The following CYP2B6 variants were observed in gnomAD, a reference collection of about 807,000 sequenced individuals.
CYP2B6 encodes the protein cytochrome P450 family 2 subfamily B member 6, also known as cytochrome P450 2B6.
Under a neutral mutation model 43.4 loss-of-function variants are expected in CYP2B6, and 35 were observed. The ratio of observed to expected loss-of-function variants is 0.81; its 90% CI spans 0.62 to 1.07. The LOEUF (loss-of-function observed/expected upper bound fraction) is 1.07, where lower values mean the gene tolerates loss of function less well. Ranked by LOEUF, CYP2B6 falls within the 50% of genes least tolerant of loss-of-function variation. The pLI is 0.00. For missense variants in CYP2B6, 624 were observed against 632.8 expected (o/e 0.99, Z 0.15); for synonymous variants, 239 against 239.2 (o/e 1.00, Z 0.01).
At chr19:41,016,021 C>CACACACACAG (rs1437412703) in intron 8 of CYP2B6, among the ~76,000 whole-genome samples, 1 of 151,848 alleles carries the variant, frequency 6.6e-6, no homozygotes, top group Admixed American at 6.6e-5. Context: ...CACACACACA[C>CACACACACAG]AGAACCAGAA....
intron 1 of CYP2B6, among the ~76,000 whole-genome samples, chr19:40,999,304 G>T (rs889130965): frequency 4.6e-5 from 7 of 151,886 alleles, no homozygotes; most frequent in Non-Finnish European, 8.8e-5. Flanking sequence ...TGAGTTCATT[G>T]TAGATTCTGG....
At chr19:41,011,945 TA>T (rs34009599) in intron 6 of CYP2B6, among the ~76,000 whole-genome samples, 2 of 152,082 alleles carry the variant, frequency 1.3e-5, no homozygotes, top group South Asian at 2.1e-4. Flanking sequence ...GGTCTCTTTT[TA>T]AAAAAATTTT....
At chr19:41,006,325 A>ATTTTT (rs35039672) in intron 3 of CYP2B6, among the ~76,000 whole-genome samples, 18 of 118,506 alleles carry the variant, frequency 1.5e-4, no homozygotes, top group South Asian at 2.9e-4. Flanking sequence ...GTCTAGCTAC[A>ATTTTT]TTTTTTTTTT....
chr19:41,001,688 G>A (rs762332462), intron 1 of CYP2B6, among the ~76,000 whole-genome samples: 2 of 151,830 alleles, frequency 1.3e-5, no homozygotes, highest in African/African-American at 2.4e-5. Context: ...ATTTATTCAC[G>A]AATCCAATAA....
chr19:41,000,768 G>A (rs1031137286), intron 1 of CYP2B6, among the ~76,000 whole-genome samples: 2 of 152,036 alleles, frequency 1.3e-5, no homozygotes, highest in Non-Finnish European at 2.9e-5. Flanking sequence ...GCTGGGCATG[G>A]CAGCCCATGC....
intron 1 of CYP2B6, among the ~76,000 whole-genome samples, chr19:40,994,474 A>G (rs1968970367): frequency 6.6e-6 from 1 of 152,118 alleles, no homozygotes; most frequent in African/African-American, 2.4e-5. Context: ...GCATAACCAC[A>G]TTTAGTTGGA....
At chr19:41,000,178 C>G (rs977892314) in intron 1 of CYP2B6, among the ~76,000 whole-genome samples, 3 of 152,074 alleles carry the variant, frequency 2.0e-5, no homozygotes, top group Non-Finnish European at 4.4e-5. Context: ...CAGCAGCTCC[C>G]TTGAGAAGAC....
At chr19:41,003,844 C>T in intron 1 of CYP2B6, 157 bp from the exon 2 acceptor site, 2 of 941,496 alleles carry the variant, frequency 2.1e-6, no homozygotes, top group Middle Eastern at 3.1e-4. Flanking sequence ...TAACCATTAA[C>T]CCTTAATTGC....
intron 1 of CYP2B6, among the ~76,000 whole-genome samples, chr19:40,994,691 A>C (rs977002574): frequency 2.6e-5 from 4 of 152,094 alleles, no homozygotes; most frequent in African/African-American, 9.7e-5. Context: ...GGTAGTCCCC[A>C]GGTCTTGCAT....
chr19:40,994,974 C>T (rs776203324), intron 1 of CYP2B6, among the ~76,000 whole-genome samples: 3 of 152,028 alleles, frequency 2.0e-5, no homozygotes, highest in Non-Finnish European at 4.4e-5. Flanking sequence ...GCATTGGCAC[C>T]AGTGAAATTA....
intron 1 of CYP2B6, among the ~76,000 whole-genome samples, chr19:41,003,657 C>T (rs148872718): frequency 1.3e-3 from 202 of 152,218 alleles, no homozygotes; most frequent in African/African-American, 4.7e-3. Context: ...TCCAACCTGC[C>T]TTATTTTGTT....
At chr19:40,992,422 C>A (rs1302398650) in intron 1 of CYP2B6, among the ~76,000 whole-genome samples, 3 of 152,030 alleles carry the variant, frequency 2.0e-5, no homozygotes, top group Admixed American at 6.6e-5. Context: ...ACAATGTCAA[C>A]GTAGTTGAGT....
intron 1 of CYP2B6, among the ~76,000 whole-genome samples, chr19:41,000,956 T>C (rs1463154295): frequency 2.6e-5 from 4 of 152,062 alleles, no homozygotes; most frequent in Non-Finnish European, 5.9e-5. Flanking sequence ...GGAGAATTGC[T>C]TGAACCCAGG....
At chr19:41,007,233 G>A in intron 4 of CYP2B6, 168 bp downstream of exon 4, 1 of 686,216 alleles carries the variant, frequency 1.5e-6, no homozygotes, top group Admixed American at 2.4e-5. Context: ...GAGAGACGGT[G>A]AGACAGGGAT....
At chr19:41,004,271 C>T (rs200259965) in intron 2 of CYP2B6, 26 bp from the exon 3 acceptor site, 1 of 1,613,636 alleles carries the variant, frequency 6.2e-7, no homozygotes, top group East Asian at 2.2e-5. Context: ...CTTCTACAAC[C>T]AACCCACACC....
chr19:41,007,126 G>T, intron 4 of CYP2B6, 61 bp downstream of exon 4: 1 of 1,526,320 alleles, frequency 6.6e-7, no homozygotes. Flanking sequence ...GAACACACGA[G>T]AAAAGGATGA....
Position 41,001,224 on chromosome 19 carries a change from A to T in CYP2B6, c.172-2777A>T, listed in dbSNP as rs570193307. 9.1e-3 allele frequency among the ~76,000 whole-genome samples: 1,386 copies of T among 152,208 alleles called. 15 individuals carry two copies. The highest frequency in any genetic ancestry group is 0.034 in the Middle Eastern group (10 of 294). On this transcript the variant is annotated intron_variant, in intron 1 of 8. Transcript: ENST00000324071. ...ACAATTTGTGGATTATGAAATTCTC[A>T]TAGAGTTTGATTAAAGCTGTGGCCC...
chr19:40,994,751 C>T (rs1297243556), intron 1 of CYP2B6, among the ~76,000 whole-genome samples: 1 of 152,140 alleles, frequency 6.6e-6, no homozygotes, highest in Non-Finnish European at 1.5e-5. Flanking sequence ...TATTCAGATA[C>T]ATTTCCTATA....
intron 6 of CYP2B6, 60 bp from the exon 7 acceptor site, chr19:41,012,238 C>T: frequency 6.6e-7 from 1 of 1,521,730 alleles, no homozygotes; most frequent in Non-Finnish European, 9.1e-7. Context: ...GCATGAGCCA[C>T]CATGCCTGGC....
Sources: gnomAD v4.1 joint callset for allele counts (sites outside exome capture counted in the v4.1 genomes callset) on GRCh38, gnomAD v4.1.1 for gene constraint, MANE v1.5 for transcripts, NCBI Gene and HGNC (gene_info 2026-07-23, HGNC 2026-07-21) for gene names.